DNM1: variants seen among roughly 807,000 people sequenced by gnomAD.
DNM1 encodes the protein dynamin-1.
Under a neutral mutation model 104.6 loss-of-function variants are expected in DNM1, and 29 were observed. The ratio of observed to expected loss-of-function variants is 0.28; its 90% CI spans 0.21 to 0.38. The LOEUF is 0.38. Ranked by LOEUF, DNM1 falls within the 10% of genes least tolerant of loss-of-function variation. DNM1 has a pLI of 1.00. For synonymous variants in DNM1, 445 were observed against 475.8 expected, an observed-to-expected ratio of 0.94 and a Z score of 0.84; for missense variants, 640 against 1,189.4, an observed-to-expected ratio of 0.54 and a Z score of 6.79.
At chr9:128,244,875 C>G (rs781398039) in intron 15 of DNM1, 1 of 488,480 alleles carries the variant, frequency 2.0e-6, no homozygotes. Context: ...GCGCTTCAGC[C>G]CCATCCCCTG....
chr9:128,237,193 G>C (rs7022174), intron 11 of DNM1, among the ~76,000 whole-genome samples: 57,152 of 151,936 alleles, frequency 0.38, 14,411 homozygotes, highest in African/African-American at 0.72. Context: ...CATCACTACT[G>C]AATTCCAAAT....
chr9:128,237,559 C>T (rs1023897820), intron 11 of DNM1, among the ~76,000 whole-genome samples: 3 of 151,032 alleles, frequency 2.0e-5, no homozygotes, highest in African/African-American at 7.3e-5. Flanking sequence ...GTGAGCCACC[C>T]CGCCCGGCCT....
intron 10 of DNM1, among the ~76,000 whole-genome samples, chr9:128,230,330 T>G (rs1231283538): frequency 6.6e-6 from 1 of 151,464 alleles, no homozygotes; most frequent in East Asian, 1.9e-4. Flanking sequence ...CGTATGGTAT[T>G]TTGGAGAAAA....
In DNM1 at chr9:128,245,004, G is replaced by C. The variant is rs558869242; in HGVS notation, c.1672-1390G>C. ...CTCCTTTGACGTGGCAGGGGTGAGC[G>C]GGAGCTGGGGCTGAGAAGGAGGGGC... On this transcript the variant is annotated intron_variant, in intron 15 of 21. Coordinates refer to ENST00000372923, the MANE Select transcript of DNM1 (RefSeq NM_004408.4). The surrounding 1 kb of genome is among the most constrained non-coding windows in gnomAD (Gnocchi z 5.2). The C allele has an allele frequency of 3.6e-6, 1 of 280,886 alleles. No individual in the cohort carries two copies. Among genetic ancestry groups the C allele is most frequent in the Non-Finnish European group, 7.5e-6 (1 of 133,878 alleles). 17.4% of individuals were successfully genotyped at this position (280,886 alleles called of 1,614,324 possible).
At chr9:128,233,123 C>T (rs1367225036) in intron 10 of DNM1, among the ~76,000 whole-genome samples, 2 of 152,366 alleles carry the variant, frequency 1.3e-5, no homozygotes, top group South Asian at 4.1e-4. Context: ...GGGCACGATT[C>T]GCAGGCAGAG....
At chr9:128,210,348 C>CATTATT (rs61012054) in intron 1 of DNM1, among the ~76,000 whole-genome samples, 5,462 of 141,532 alleles carry the variant, frequency 0.039, 146 homozygotes, top group East Asian at 0.076. Context: ...ATTTATTTGG[C>CATTATT]ATTATTATTA....
intron 1 of DNM1, among the ~76,000 whole-genome samples, chr9:128,205,849 T>C (rs1833925178): frequency 6.6e-6 from 1 of 152,172 alleles, no homozygotes; most frequent in Non-Finnish European, 1.5e-5. Flanking sequence ...TGTTGAGTGG[T>C]GGAGCAAGGT....
intron 1 of DNM1, among the ~76,000 whole-genome samples, chr9:128,212,522 G>A (rs757894730): frequency 4.6e-5 from 7 of 152,078 alleles, no homozygotes; most frequent in Non-Finnish European, 1.0e-4. Context: ...AAGAAGGAGG[G>A]AAACAGAAAG....
In DNM1 at chr9:128,242,587, C is replaced by T. The variant is rs28616043; in HGVS notation, c.1671+242C>T. Among the ~76,000 whole-genome samples the T allele has an allele frequency of 0.096, 14,612 of 152,010 alleles. 2,183 individuals carry two copies. Among genetic ancestry groups the T allele is most frequent in the African/African-American group, 0.32 (13,371 of 41,340 alleles). On this transcript the variant is annotated intron_variant, in intron 15 of 21. Transcript: ENST00000372923. Reference sequence around the variant, plus strand: ...CCAGCCCGGCCAAAATGGTGAAACCCCATCTCTACTAAAAATACAAAAATT... The same window carrying T: ...CCAGCCCGGCCAAAATGGTGAAACCTCATCTCTACTAAAAATACAAAAATT...
intron 10 of DNM1, among the ~76,000 whole-genome samples, chr9:128,225,592 G>A (rs189954411): frequency 5.3e-5 from 8 of 152,310 alleles, no homozygotes; most frequent in African/African-American, 1.7e-4. Context: ...GGGTGGATGA[G>A]GTCCTGGCCT....
chr9:128,250,057 C>G, intron 19 of DNM1, 58 bp from the exon 20 acceptor site: 1 of 1,612,202 alleles, frequency 6.2e-7, no homozygotes, highest in East Asian at 2.2e-5. Flanking sequence ...CCCGGTGGGG[C>G]GGCCAGGGCG....
rs1434763038 is a variant in DNM1, at chr9:128,253,194, G to T, written c.2535-1460G>T. On this transcript the variant is annotated intron_variant, in intron 21 of 21. Transcript: ENST00000372923. The surrounding 1 kb of genome is among the most constrained non-coding windows in gnomAD (Gnocchi z 5.9). The stretch of plus-strand genomic sequence containing the variant: ...ACGGTGTGTCTGCCCCGCTGCACTA[G>T]CTCCACACGGGGCGCGCACCTGGGA... 1.3e-6 allele frequency: 2 copies of T among 1,552,954 alleles called. No individual in the cohort carries two copies. Among genetic ancestry groups the T allele is most frequent in the East Asian group, 2.2e-5 (1 of 44,486 alleles).
chr9:128,219,194 C>T lies in DNM1; in HGVS notation c.531C>T (p.Ala177=), dbSNP rs1244463878. The change falls in exon 4 of 22, where the codon GCC becomes GCT. Residue 177 remains alanine, a synonymous_variant. Transcript: ENST00000372923. ...ENCLILAVSP[A]NSDLANSDAL... Reference sequence around the variant, plus strand: ...GCCTCATCCTGGCCGTGTCCCCCGCCAACTCTGACCTGGCCAATTCTGACG... The same window carrying T: ...GCCTCATCCTGGCCGTGTCCCCCGCTAACTCTGACCTGGCCAATTCTGACG... 13 of 1,614,216 alleles carry T rather than the reference C, an allele frequency of 8.1e-6. No homozygotes were observed. The highest frequency in any genetic ancestry group is 1.0e-5 in the Non-Finnish European group (12 of 1,180,052).
rs747491413 is a variant in DNM1 at position 128,254,568 on chromosome 9, G to T, written c.2535-86G>T. On this transcript the variant is annotated intron_variant, in intron 21 of 21. Coordinates refer to ENST00000372923, the MANE Select transcript of DNM1 (RefSeq NM_004408.4). The surrounding 1 kb of genome is among the most constrained non-coding windows in gnomAD (Gnocchi z 6.1). ...TCCCACCACTGCTGCGGCGCGGCCGGCCCCGGCCGTGTGCTGCGCTTGCCT... is the reference window on the plus strand; with the variant it reads ...TCCCACCACTGCTGCGGCGCGGCCGTCCCCGGCCGTGTGCTGCGCTTGCCT... 199 of 1,586,590 alleles carry T rather than the reference G, an allele frequency of 1.3e-4. No individual in the cohort carries two copies. Among genetic ancestry groups the T allele is most frequent in the South Asian group, 4.7e-4 (43 of 90,638 alleles).
chr9:128,210,396 C>T (rs1038745967), intron 1 of DNM1, among the ~76,000 whole-genome samples: 3 of 139,212 alleles, frequency 2.2e-5, no homozygotes, highest in African/African-American at 5.1e-5. Context: ...GGGTCTTGCT[C>T]GGTCACCCAG....
At chr9:128,242,568 C>T (rs1235162148) in intron 15 of DNM1, among the ~76,000 whole-genome samples, 5 of 152,024 alleles carry the variant, frequency 3.3e-5, no homozygotes, top group Non-Finnish European at 7.4e-5. Flanking sequence ...GAGACCAGCC[C>T]GGCCAAAATG....
chr9:128,233,234 CAG>C (rs1340114823), intron 10 of DNM1, among the ~76,000 whole-genome samples: 4 of 152,188 alleles, frequency 2.6e-5, no homozygotes, highest in Admixed American at 2.6e-4. Context: ...GGGGTCGAGA[CAG>C]TGTGGCTGGC....
In DNM1 at chr9:128,253,167, G is replaced by C; in HGVS notation, c.2535-1487G>C. On this transcript the variant is annotated intron_variant, in intron 21 of 21. Transcript: ENST00000372923. This position sits in a 1 kb window ranked among gnomAD's most constrained non-coding sequence, Gnocchi z 5.9. ...GTACATGCCTCACCGCCTGCTGCAT[G>C]AACGGTGTGTCTGCCCCGCTGCACT... is the stretch of plus-strand genomic sequence containing the variant. 6.3e-7 allele frequency: 1 copy of C among 1,598,726 alleles called. No homozygotes were observed. The highest frequency in any genetic ancestry group is 8.5e-7 in the Non-Finnish European group (1 of 1,178,432).
Position 128,250,833 on chromosome 9 carries a change from G to C in DNM1, c.2427G>C (p.Leu809=), listed in dbSNP as rs897409469. Residue 809 remains leucine, a synonymous_variant, in exon 21 of 22, where the codon CTG becomes CTC. Coordinates refer to ENST00000372923, the MANE Select transcript of DNM1 (RefSeq NM_004408.4). ...GGCCTCCGCCTGCTGGGTCCGCCCT[G>C]GGGGGGGCGCCCCCCGTGCCCTCCA... ...APGPPPAGSA[L]GGAPPVPSRP... is the part of the protein sequence containing the mutation. The C allele has an allele frequency of 2.3e-6, 3 of 1,303,064 alleles. No individual in the cohort carries two copies. Among genetic ancestry groups the C allele is most frequent in the East Asian group, 6.2e-5 (2 of 32,188 alleles). 80.7% of individuals were successfully genotyped at this position (1,303,064 alleles called of 1,614,324 possible).
Sources: allele counts gnomAD v4.1 joint callset (sites outside exome capture counted in the v4.1 genomes callset), GRCh38; gene constraint gnomAD v4.1.1; non-coding constraint Gnocchi (gnomAD v3.1); transcripts MANE v1.5; gene names NCBI Gene and HGNC (gene_info 2026-07-23, HGNC 2026-07-21).